OSBPL9: variants seen among roughly 807,000 people sequenced by gnomAD.
The protein encoded by OSBPL9 is oxysterol binding protein like 9.
Under a neutral mutation model 106.6 loss-of-function variants are expected in OSBPL9, and 40 were observed. The ratio of observed to expected loss-of-function variants is 0.38; its 90% CI spans 0.29 to 0.49. OSBPL9 has a LOEUF of 0.49. Among genes scored for constraint, OSBPL9 ranks in the 20% least tolerant of loss-of-function variants. The pLI, the probability that OSBPL9 is intolerant of heterozygous loss-of-function variation, is 0.97. For synonymous variants in OSBPL9, 269 were observed against 295.4 expected, an observed-to-expected ratio of 0.91 and a Z score of 0.92; for missense variants, 609 against 887.2, an observed-to-expected ratio of 0.69 and a Z score of 3.98.
At chr1:51,782,777 A>G in intron 17 of OSBPL9, 134 bp downstream of exon 17, 2 of 678,566 alleles carry the variant, frequency 2.9e-6, no homozygotes, top group Non-Finnish European at 4.8e-6. Flanking sequence ...TGAAGTGGAA[A>G]CTCAAGTTGA....
chr1:51,675,946 G>T (rs1002092327), intron 3 of OSBPL9, among the ~76,000 whole-genome samples: 1 of 152,056 alleles, frequency 6.6e-6, no homozygotes, highest in Non-Finnish European at 1.5e-5. Context: ...TTTAACTCAT[G>T]CAGTTTTCAC....
intron 1 of OSBPL9, among the ~76,000 whole-genome samples, chr1:51,624,265 A>G (rs1379619489): frequency 6.6e-6 from 1 of 152,140 alleles, no homozygotes; most frequent in Non-Finnish European, 1.5e-5. Context: ...CTTTAGAATT[A>G]TAAAAGGAAC....
chr1:51,538,897 T>C, the OSBPL9 span, among the ~76,000 whole-genome samples: 1 of 152,234 alleles, frequency 6.6e-6, no homozygotes, highest in Non-Finnish European at 1.5e-5. Context: ...TCTTGGTTTT[T>C]GTGATACCAC....
intron 8 of OSBPL9, chr1:51,752,428 T>G (rs1168514212): frequency 2.4e-6 from 1 of 420,692 alleles, no homozygotes; most frequent in Non-Finnish European, 4.8e-6. Flanking sequence ...TTCTTTTTCT[T>G]CGTGGCCTCG....
the OSBPL9 span, among the ~76,000 whole-genome samples, chr1:51,533,499 AAAAG>A: frequency 1.4e-4 from 20 of 147,870 alleles, no homozygotes; most frequent in African/African-American, 4.0e-4. Flanking sequence ...AAAAAAAAAA[AAAAG>A]AAAGAAAGAG....
chr1:51,779,938 C>T (rs191587563), intron 15 of OSBPL9, among the ~76,000 whole-genome samples: 311 of 151,938 alleles, frequency 2.0e-3, no homozygotes, highest in Middle Eastern at 6.8e-3. Context: ...ATTAGCTGGG[C>T]GTGGTGGCAG....
chr1:51,519,145 G>A, the OSBPL9 span: 3 of 1,321,020 alleles, frequency 2.3e-6, no homozygotes, highest in East Asian at 2.9e-5. Flanking sequence ...GCTGAGGGCG[G>A]TGGGGGAGGG....
the OSBPL9 span, among the ~76,000 whole-genome samples, chr1:51,538,149 G>A: frequency 3.9e-5 from 6 of 151,992 alleles, no homozygotes; most frequent in East Asian, 1.9e-4. Context: ...AAATTTAGCC[G>A]GGCATGGTAG....
chr1:51,530,187 A>AAAAAAAAAAAAAAAAAAAC, the OSBPL9 span, among the ~76,000 whole-genome samples: 1 of 101,566 alleles, frequency 9.8e-6, no homozygotes, highest in South Asian at 2.5e-4. Flanking sequence ...AAAAAAAAAA[A>AAAAAAAAAAAAAAAAAAAC]AAAAACAAAA....
At chr1:51,735,735 G>GTTATTTATGATTTT in intron 4 of OSBPL9, among the ~76,000 whole-genome samples, 1 of 152,202 alleles carries the variant, frequency 6.6e-6, no homozygotes, top group African/African-American at 2.4e-5. Context: ...GAATTCTAAG[G>GTTATTTATGATTTT]TCCAGCATAG....
At chr1:51,629,975 G>T (rs979942487) in intron 1 of OSBPL9, among the ~76,000 whole-genome samples, 1 of 151,960 alleles carries the variant, frequency 6.6e-6, no homozygotes, top group Non-Finnish European at 1.5e-5. Context: ...TAATGTGCAT[G>T]GGGGAGGGGG....
chr1:51,653,061 T>C (rs1173548543), intron 2 of OSBPL9, among the ~76,000 whole-genome samples: 2 of 152,204 alleles, frequency 1.3e-5, no homozygotes, highest in African/African-American at 4.8e-5. Flanking sequence ...CACCAAATTA[T>C]AATAGAAAAA....
At chr1:51,725,538 T>C (rs1396816333) in intron 4 of OSBPL9, among the ~76,000 whole-genome samples, 1 of 152,218 alleles carries the variant, frequency 6.6e-6, no homozygotes, top group Non-Finnish European at 1.5e-5. Flanking sequence ...CAGAAACTGC[T>C]GTGAGTGGAC....
the OSBPL9 span, among the ~76,000 whole-genome samples, chr1:51,533,485 C>G: frequency 3.7e-5 from 2 of 54,452 alleles, no homozygotes; most frequent in Admixed American, 4.3e-4. Context: ...GACTCTGTCT[C>G]AAAAAAAAAA....
At chr1:51,607,164 CTTTTT>C (rs1320905927) in intron 2 of OSBPL9, among the ~76,000 whole-genome samples, 1 of 136,382 alleles carries the variant, frequency 7.3e-6, no homozygotes, top group Non-Finnish European at 1.6e-5. Flanking sequence ...TTTTCTTTTT[CTTTTT>C]TTTTTTTTTT....
chr1:51,708,995 C>T (rs1409811943), intron 3 of OSBPL9: 1 of 152,202 alleles, frequency 6.6e-6, no homozygotes. Context: ...CCATGAGAGC[C>T]TTTTGGTCCC....
At position 51,765,904 on chromosome 1, in the gene OSBPL9, T is replaced by G; in HGVS notation, c.861T>G (p.Ser287=). ...CTCCAAATACAGTCCCAGAGTTCTC[T>G]TACTCCAGCAGTGAAGATGAATTTT... ...NLSPNTVPEF[S]YSSSEDEFYD... is the part of the protein sequence containing the mutation. The change falls in exon 12 of 24, where the codon TCT becomes TCG. Residue 287 remains serine (S), a synonymous_variant. Coordinates refer to ENST00000428468, the MANE Select transcript of OSBPL9 (RefSeq NM_024586.6). 1 of 1,614,092 alleles carries G rather than the reference T, an allele frequency of 6.2e-7. No individual in the cohort carries two copies.
At chr1:51,757,588 A>G (rs1670612653) in intron 9 of OSBPL9, among the ~76,000 whole-genome samples, 1 of 152,044 alleles carries the variant, frequency 6.6e-6, no homozygotes, top group Non-Finnish European at 1.5e-5. Context: ...GCAATGAAAA[A>G]CATCTAGAAA....
chr1:51,781,298 G>T lies in OSBPL9; in HGVS notation c.1391G>T (p.Cys464Phe). 6.2e-7 allele frequency: 1 copy of T among 1,614,168 alleles called. No individual in the cohort carries two copies. The stretch of plus-strand genomic sequence containing the variant: ...CCCATTTTGGGCGAGATTTTTCAGT[G>T]TCATTGGACATTACCAAATGATACT... ...YNPILGEIFQ[C>F]HWTLPNDTEE... is the part of the protein sequence containing the mutation. Residue 464 changes from cysteine (C) to phenylalanine (F), a missense_variant, in exon 16 of 24, where the codon TGT (cysteine) becomes TTT (phenylalanine). Around this residue, in one of 5 missense-constraint regions of OSBPL9, gnomAD observed 356 missense variants for 505.8 expected, o/e 0.70. Coordinates refer to ENST00000428468, the MANE Select transcript of OSBPL9 (RefSeq NM_024586.6).
Sources: gnomAD v4.1 joint callset for allele counts (sites outside exome capture counted in the v4.1 genomes callset) on GRCh38, gnomAD v4.1.1 for gene constraint, gnomAD v4.1.1 regional missense constraint, MANE v1.5 for transcripts, NCBI Gene and HGNC (gene_info 2026-07-23, HGNC 2026-07-21) for gene names.